The following CIMAP1D variants were observed in gnomAD, a reference collection of about 807,000 sequenced individuals.
CIMAP1D encodes protein CIMAP1D.
At chr19:482,519 T>C in the CIMAP1D span, among the ~76,000 whole-genome samples, 1 of 152,136 alleles carries the variant, frequency 6.6e-6, no homozygotes, top group Non-Finnish European at 1.5e-5. Context: ...GACCCTCAAA[T>C]GTCAATGGTG....
chr19:491,580 C>T, the CIMAP1D span, among the ~76,000 whole-genome samples: 1 of 151,936 alleles, frequency 6.6e-6, no homozygotes, highest in African/African-American at 2.4e-5. Flanking sequence ...GGCGTCAGAG[C>T]AGCTGACCAG....
chr19:469,947 G>T, the CIMAP1D span, among the ~76,000 whole-genome samples: 8 of 145,310 alleles, frequency 5.5e-5, no homozygotes, highest in African/African-American at 2.1e-4. Context: ...AGCTCATCAT[G>T]ACATCACTCA....
At chr19:472,479 G>A in the CIMAP1D span, 1 of 1,545,608 alleles carries the variant, frequency 6.5e-7, no homozygotes, top group Non-Finnish European at 8.7e-7. Context: ...TGGACGGCAG[G>A]ACATACAAGC....
At chr19:470,101 C>T in the CIMAP1D span, among the ~76,000 whole-genome samples, 7 of 152,168 alleles carry the variant, frequency 4.6e-5, no homozygotes, top group African/African-American at 1.2e-4. Flanking sequence ...AAAGTGTGCA[C>T]GATCCCCAGT....
chr19:486,230 A>AGT, the CIMAP1D span, among the ~76,000 whole-genome samples: 1 of 152,140 alleles, frequency 6.6e-6, no homozygotes, highest in African/African-American at 2.4e-5. Context: ...GAGGGGTCCT[A>AGT]GTGGGCTCTG....
At chr19:484,318 T>C in the CIMAP1D span, among the ~76,000 whole-genome samples, 2 of 152,064 alleles carry the variant, frequency 1.3e-5, no homozygotes, top group Non-Finnish European at 2.9e-5. Flanking sequence ...TTTTTGTATT[T>C]TTAGTAGAGA....
chr19:477,734 C>A, the CIMAP1D span, among the ~76,000 whole-genome samples: 1 of 152,222 alleles, frequency 6.6e-6, no homozygotes, highest in Admixed American at 6.5e-5. Context: ...ACGATCTCGG[C>A]TCACTGCGAG....
At chr19:480,534 G>A in the CIMAP1D span, among the ~76,000 whole-genome samples, 2 of 130,190 alleles carry the variant, frequency 1.5e-5, no homozygotes, top group African/African-American at 3.9e-5. Context: ...GATGGGGAAG[G>A]ATGATGGGGA....
the CIMAP1D span, among the ~76,000 whole-genome samples, chr19:484,133 CTTTTTCTTTT>C: frequency 7.3e-6 from 1 of 136,986 alleles, no homozygotes; most frequent in African/African-American, 2.8e-5. Flanking sequence ...CTTTTCTTTT[CTTTTTCTTTT>C]TTTTTTTTTT....
chr19:477,959 T>C, the CIMAP1D span, among the ~76,000 whole-genome samples: 1 of 152,182 alleles, frequency 6.6e-6, no homozygotes, highest in South Asian at 2.1e-4. Context: ...CACCTCGGCC[T>C]CTGCCTGAGC....
At chr19:467,908 G>C in the CIMAP1D span, 14 of 598,696 alleles carry the variant, frequency 2.3e-5, no homozygotes, top group Middle Eastern at 4.4e-4. Flanking sequence ...CACCCCAGGG[G>C]CCCTGAGTTG....
the CIMAP1D span, among the ~76,000 whole-genome samples, chr19:478,913 G>A: frequency 1.2e-4 from 19 of 152,364 alleles, no homozygotes; most frequent in African/African-American, 4.3e-4. Context: ...TCAGGTGCTG[G>A]GAAAACGGGA....
chr19:485,284 G>A, the CIMAP1D span, among the ~76,000 whole-genome samples: 6 of 152,332 alleles, frequency 3.9e-5, no homozygotes, highest in South Asian at 2.1e-4. Context: ...GCACACACAC[G>A]CGTGCTCACA....
the CIMAP1D span, among the ~76,000 whole-genome samples, chr19:476,484 C>G: frequency 6.6e-6 from 1 of 152,178 alleles, no homozygotes; most frequent in African/African-American, 2.4e-5. Context: ...GCCACCGTGC[C>G]TGGCCTGCAG....
chr19:487,175 T>G, the CIMAP1D span, among the ~76,000 whole-genome samples: 1 of 152,158 alleles, frequency 6.6e-6, no homozygotes, highest in Non-Finnish European at 1.5e-5. Flanking sequence ...CGGCTGGAGC[T>G]GCTCATGCCA....
At chr19:488,681 G>C in the CIMAP1D span, among the ~76,000 whole-genome samples, 1 of 152,210 alleles carries the variant, frequency 6.6e-6, no homozygotes, top group Non-Finnish European at 1.5e-5. Flanking sequence ...CAGAATCCGC[G>C]TCCCGGAACC....
chr19:465,803 GGGTGGATGGATGAGTGGGTGGGTGGAT>G, the CIMAP1D span, among the ~76,000 whole-genome samples: 1 of 146,904 alleles, frequency 6.8e-6, no homozygotes, highest in African/African-American at 2.5e-5. Context: ...ATGGGTAGGT[GGGTGGATGGATGAGTGGGTGGGTGGAT>G]GGTGGATGGA....
chr19:491,047 G>T, the CIMAP1D span, among the ~76,000 whole-genome samples: 1 of 151,900 alleles, frequency 6.6e-6, no homozygotes, highest in African/African-American at 2.4e-5. Context: ...AGTGAGCTGA[G>T]ATCGTGCCAC....
At chr19:474,759 G>A in the CIMAP1D span, 13 of 1,503,704 alleles carry the variant, frequency 8.6e-6, no homozygotes, top group South Asian at 3.8e-5. Context: ...GTGGGCAGGC[G>A]ATGGCCCCCA....
Sources: allele counts gnomAD v4.1 joint callset (sites outside exome capture counted in the v4.1 genomes callset), GRCh38; gene constraint gnomAD v4.1.1; transcripts MANE v1.5; gene names NCBI Gene and HGNC (gene_info 2026-07-23, HGNC 2026-07-21).